The following SLC15A5 variants were observed in gnomAD, a reference collection of about 807,000 sequenced individuals.
SLC15A5 encodes the protein Peptide/histidine transporter ENSP00000340402.
SLC15A5 carries 58 observed loss-of-function variants against 56.1 expected under a neutral mutation model. The observed-to-expected ratio is 1.03, with a 90% CI of 0.84 to 1.29. The LOEUF (loss-of-function observed/expected upper bound fraction) is 1.29, where lower values mean the gene tolerates loss of function less well. SLC15A5 is among the 50% of genes most tolerant of loss of function. The pLI, the probability that SLC15A5 is intolerant of heterozygous loss-of-function variation, is 0.00. For missense variants in SLC15A5, 681 were observed against 672.1 expected, an observed-to-expected ratio of 1.01 and a Z score of -0.15; for synonymous variants, 264 against 250.5, an observed-to-expected ratio of 1.05 and a Z score of -0.51.
chr12:16,261,507 T>C (rs752664356), intron 2 of SLC15A5, among the ~76,000 whole-genome samples: 31 of 152,318 alleles, frequency 2.0e-4, no homozygotes, highest in Non-Finnish European at 3.7e-4. Flanking sequence ...TTTCAGCTTA[T>C]TGCTATTACA....
chr12:16,244,606 G>C lies in SLC15A5; in HGVS notation c.949C>G (p.Leu317Val). The stretch of plus-strand genomic sequence containing the variant: ...TGCATAATGCACATTCTGTATAGGA[G>C]CTGAAAAATGAAGAGAGGGAGAAGG... Reference protein sequence around the residue: ...LTLLPLFIFQLLYRMCIMQIP... With the variant: ...LTLLPLFIFQVLYRMCIMQIP... Residue 317 changes from leucine (L) to valine (V), a missense_variant, in exon 4 of 9, where the codon CTC becomes GTC. By Grantham distance (32) the Leu-to-Val change is conservative (BLOSUM62 1). Coordinates refer to ENST00000344941, the MANE Select transcript of SLC15A5 (RefSeq NM_001170798.1). 2 of 1,537,798 alleles carry C rather than the reference G, an allele frequency of 1.3e-6. No individual in the cohort carries two copies. Among genetic ancestry groups the C allele is most frequent in the South Asian group, 2.4e-5 (2 of 84,050 alleles).
intron 2 of SLC15A5, among the ~76,000 whole-genome samples, chr12:16,266,338 C>T (rs1353951856): frequency 6.6e-6 from 1 of 152,110 alleles, no homozygotes. Context: ...CAGGGAACAC[C>T]GTGTGACTCT....
At chr12:16,249,733 A>T (rs1591655353) in intron 3 of SLC15A5, among the ~76,000 whole-genome samples, 1 of 152,188 alleles carries the variant, frequency 6.6e-6, no homozygotes, top group East Asian at 1.9e-4. Flanking sequence ...AAGCAAATGA[A>T]TGGATGCTGA....
At chr12:16,195,304 T>G (rs1347142432) in intron 7 of SLC15A5, among the ~76,000 whole-genome samples, 1 of 152,112 alleles carries the variant, frequency 6.6e-6, no homozygotes, top group Non-Finnish European at 1.5e-5. Flanking sequence ...GGGGTATTGT[T>G]TAATATATAA....
chr12:16,264,554 A>C (rs1864674422), intron 2 of SLC15A5, among the ~76,000 whole-genome samples: 1 of 152,122 alleles, frequency 6.6e-6, no homozygotes, highest in African/African-American at 2.4e-5. Context: ...AAATGTGAGG[A>C]TATGAGATTT....
chr12:16,216,912 C>A lies in SLC15A5; in HGVS notation c.1464G>T (p.Leu488Phe). 1 of 1,536,304 alleles carries A rather than the reference C, an allele frequency of 6.5e-7. No individual in the cohort carries two copies. The highest frequency in any genetic ancestry group is 8.7e-7 in the Non-Finnish European group (1 of 1,146,468). Residue 488 changes from leucine to phenylalanine, a missense_variant, in exon 7 of 9, where the codon TTG (leucine) becomes TTT (phenylalanine). Physicochemically the swap from Leu to Phe is conservative, Grantham distance 22 (BLOSUM62 0). Coordinates refer to ENST00000344941, the MANE Select transcript of SLC15A5 (RefSeq NM_001170798.1). ...TTTTACCATCTGAGATGAGATATAC[C>A]AACTTCACCAGCAGTGCCCCTGTGA... ...GCFTGALLVK[L>F]VYLISDGNWF... is the part of the protein sequence containing the mutation.
intron 6 of SLC15A5, among the ~76,000 whole-genome samples, chr12:16,223,399 A>T (rs1864207710): frequency 6.6e-6 from 1 of 152,238 alleles, no homozygotes; most frequent in Admixed American, 6.5e-5. Flanking sequence ...GGAGGATAGA[A>T]ACATAAGATG....
At chr12:16,257,224 A>AT (rs531963559) in intron 3 of SLC15A5, among the ~76,000 whole-genome samples, 42 of 152,254 alleles carry the variant, frequency 2.8e-4, no homozygotes, top group Admixed American at 9.1e-4. Flanking sequence ...AATATATTAC[A>AT]TATAAATAAA....
At chr12:16,201,633 C>A (rs1366179577) in intron 7 of SLC15A5, among the ~76,000 whole-genome samples, 1 of 152,106 alleles carries the variant, frequency 6.6e-6, no homozygotes, top group Non-Finnish European at 1.5e-5. Context: ...ATCAGGAGAT[C>A]TGATGGTTTT....
At chr12:16,241,576 T>G (rs1864415242) in intron 4 of SLC15A5, among the ~76,000 whole-genome samples, 1 of 152,234 alleles carries the variant, frequency 6.6e-6, no homozygotes, top group Non-Finnish European at 1.5e-5. Flanking sequence ...AGGATTGTTT[T>G]GGCTGAGTAC....
chr12:16,208,313 C>G (rs538949828), intron 7 of SLC15A5, among the ~76,000 whole-genome samples: 1 of 152,290 alleles, frequency 6.6e-6, no homozygotes, highest in South Asian at 2.1e-4. Context: ...TGTTCTTTCT[C>G]TTGCATTTTT....
chr12:16,224,550 T>G lies in SLC15A5; in HGVS notation c.1215A>C (p.Glu405Asp). 6.5e-7 allele frequency: 1 copy of G among 1,537,128 alleles called. No homozygotes were observed. Among genetic ancestry groups the G allele is most frequent in the Non-Finnish European group, 8.7e-7 (1 of 1,146,862 alleles). The stretch of plus-strand genomic sequence containing the variant: ...CTGCAGGGAAATGTTTTCGGTGTAT[T>G]TCAAAGAAGCCAGCTATCATCACAG... ...ALSVMIAGFF[E>D]IHRKHFPAVE... The change falls in exon 6 of 9, where the codon GAA becomes GAC. Residue 405 changes from glutamate (E) to aspartate (D), a missense_variant. By Grantham distance (45) the Glu-to-Asp change is conservative. Transcript: ENST00000344941.
chr12:16,189,620 A>G lies in SLC15A5; in HGVS notation c.*48T>C, dbSNP rs191164501. On this transcript the variant is annotated 3_prime_UTR_variant, in exon 9 of 9. Coordinates refer to ENST00000344941, the MANE Select transcript of SLC15A5 (RefSeq NM_001170798.1). ...CACATAAAATGCTCAACTGAAGAAG[A>G]AAACAATGAATACTGTTCTCATAAG... 69 of 1,359,134 alleles carry G rather than the reference A, an allele frequency of 5.1e-5. No individual in the cohort carries two copies. In the African/African-American group the frequency reaches 9.5e-4, roughly 19 times the overall value. The allele number at this position is 1,359,134 out of a possible 1,614,324, so 84.2% of individuals were successfully genotyped here.
At chr12:16,234,897 CT>C (rs933729416) in intron 5 of SLC15A5, among the ~76,000 whole-genome samples, 2 of 152,006 alleles carry the variant, frequency 1.3e-5, no homozygotes, top group Non-Finnish European at 2.9e-5. Flanking sequence ...AATTTATTTG[CT>C]GAGAAAACTA....
chr12:16,239,444 T>A (rs914435608), intron 5 of SLC15A5, among the ~76,000 whole-genome samples: 1 of 152,198 alleles, frequency 6.6e-6, no homozygotes, highest in African/African-American at 2.4e-5. Context: ...TTTCACCATC[T>A]CTTTATATCA....
At chr12:16,216,153 A>G (rs1319924088) in intron 7 of SLC15A5, among the ~76,000 whole-genome samples, 1 of 152,202 alleles carries the variant, frequency 6.6e-6, no homozygotes, top group Admixed American at 6.5e-5. Flanking sequence ...GATCATTTCC[A>G]TAAAATAAGC....
At position 16,216,929 on chromosome 12, in the gene SLC15A5, C is replaced by T. The variant is rs370636549; in HGVS notation, c.1447G>A (p.Ala483Thr). 20 of 1,536,712 alleles carry T rather than the reference C, an allele frequency of 1.3e-5. No individual in the cohort carries two copies. In the South Asian group the frequency reaches 1.9e-4, roughly 15 times the overall value. ...AGATATACCAACTTCACCAGCAGTG[C>T]CCCTGTGAAACAGCCAAATCCATTG... is the stretch of plus-strand genomic sequence containing the variant. The part of the protein sequence containing the change: ...LFNGFGCFTG[A>T]LLVKLVYLIS... The change falls in exon 7 of 9, where the codon GCA becomes ACA. Residue 483 changes from alanine to threonine, a missense_variant. Transcript: ENST00000344941.
chr12:16,240,881 C>T (rs963823925), intron 4 of SLC15A5, among the ~76,000 whole-genome samples: 3 of 151,392 alleles, frequency 2.0e-5, no homozygotes, highest in East Asian at 3.9e-4. Flanking sequence ...GGTGTGATCT[C>T]GGCTCACGGC....
chr12:16,205,341 AT>A (rs1205271510), intron 7 of SLC15A5, among the ~76,000 whole-genome samples: 2 of 151,650 alleles, frequency 1.3e-5, no homozygotes, highest in Non-Finnish European at 2.9e-5. Flanking sequence ...TTAGAAGTCA[AT>A]TTTGCTTTAA....
Sources: allele counts gnomAD v4.1 joint callset (sites outside exome capture counted in the v4.1 genomes callset), GRCh38; gene constraint gnomAD v4.1.1; transcripts MANE v1.5; gene names NCBI Gene and HGNC (gene_info 2026-07-23, HGNC 2026-07-21).